Variants in APOO observed in about 807,000 individuals in gnomAD.
APOO encodes the protein apolipoprotein O.
Under a neutral mutation model 23.1 loss-of-function variants are expected in APOO, and 11 were observed. The ratio of observed to expected loss-of-function variants is 0.48; its 90% CI spans 0.30 to 0.79. The LOEUF (loss-of-function observed/expected upper bound fraction) is 0.79, where lower values mean the gene tolerates loss of function less well. APOO is among the 30% of genes least tolerant of loss of function. The pLI is 0.07. For missense variants in APOO, 160 were observed against 142.7 expected (o/e 1.12, Z -0.62); for synonymous variants, 59 against 54.8 (o/e 1.08, Z -0.34).
chrX:23,875,836 T>C (rs893914948), intron 3 of APOO, among the ~76,000 whole-genome samples: 1 of 111,388 alleles, frequency 9.0e-6, no homozygotes, highest in Non-Finnish European at 1.9e-5. Flanking sequence ...GAACTGAGTA[T>C]CGCTTCATTA....
At chrX:23,862,029 C>G (rs182031483) in intron 5 of APOO, among the ~76,000 whole-genome samples, 7,987 of 109,746 alleles carry the variant, frequency 0.073, 649 homozygotes, top group African/African-American at 0.23. Flanking sequence ...GTCTTGAACT[C>G]CTGACCTCAG....
At chrX:23,851,254 C>T (rs1307202134) in intron 7 of APOO, among the ~76,000 whole-genome samples, 2 of 109,284 alleles carry the variant, frequency 1.8e-5, no homozygotes, top group South Asian at 3.9e-4. Flanking sequence ...AGTGCAGTGG[C>T]GCGATCTTGG....
chrX:23,889,907 C>T (rs998581561), intron 1 of APOO, among the ~76,000 whole-genome samples: 2 of 110,078 alleles, frequency 1.8e-5, no homozygotes, highest in African/African-American at 3.3e-5. Flanking sequence ...GTGATCCGCC[C>T]ACCTCGGCCT....
At chrX:23,889,595 C>A (rs1033079102) in intron 1 of APOO, among the ~76,000 whole-genome samples, 1 of 107,751 alleles carries the variant, frequency 9.3e-6, no homozygotes, top group Admixed American at 1.0e-4. Context: ...ATGCCAGCTT[C>A]ATGATAGAAG....
At chrX:23,882,099 T>C (rs148636697) in intron 1 of APOO, among the ~76,000 whole-genome samples, 623 of 111,687 alleles carry the variant, frequency 5.6e-3, no homozygotes, top group Non-Finnish European at 8.9e-3. Context: ...CATGAACTAA[T>C]GTCAGCACTA....
chrX:23,853,212 C>T (rs1395307097), intron 7 of APOO, among the ~76,000 whole-genome samples: 3 of 110,971 alleles, frequency 2.7e-5, no homozygotes, highest in Non-Finnish European at 3.8e-5. Context: ...AAGCCGAGAT[C>T]GTGCCACTGC....
intron 1 of APOO, among the ~76,000 whole-genome samples, chrX:23,886,245 T>C (rs1471614478): frequency 9.0e-6 from 1 of 111,415 alleles, no homozygotes; most frequent in Non-Finnish European, 1.9e-5. Flanking sequence ...AAAATCTGTA[T>C]GTTTTAAAAC....
chrX:23,851,205 T>A (rs1337483495), intron 7 of APOO, among the ~76,000 whole-genome samples: 1 of 110,263 alleles, frequency 9.1e-6, no homozygotes, highest in African/African-American at 3.3e-5. Flanking sequence ...TTTCCTTTTT[T>A]TTTTTTGAGA....
chrX:23,850,979 T>C (rs1055945010), intron 7 of APOO, among the ~76,000 whole-genome samples: 1 of 111,442 alleles, frequency 9.0e-6, no homozygotes, highest in African/African-American at 3.3e-5. Context: ...CTTATATATA[T>C]ATAATATGTA....
intron 7 of APOO, among the ~76,000 whole-genome samples, chrX:23,852,321 G>A (rs924767601): frequency 2.7e-5 from 3 of 110,622 alleles, no homozygotes; most frequent in African/African-American, 6.5e-5. Context: ...ACAATTGGCC[G>A]GGCACGGTGG....
At chrX:23,906,149 A>G (rs1927344389) in intron 1 of APOO, among the ~76,000 whole-genome samples, 1 of 112,766 alleles carries the variant, frequency 8.9e-6, no homozygotes. Context: ...CAACCTAGGC[A>G]CATGGAGGGG....
intron 1 of APOO, chrX:23,883,235 T>C (rs1926222615): frequency 9.0e-6 from 1 of 110,981 alleles, no homozygotes; most frequent in African/African-American, 3.3e-5. Context: ...CCAAATATCG[T>C]ATTTCCCAAG....
chrX:23,838,567 C>G (rs796518906), intron 8 of APOO, among the ~76,000 whole-genome samples: 1 of 105,788 alleles, frequency 9.5e-6, no homozygotes, highest in African/African-American at 3.4e-5. Flanking sequence ...CAGGCAACTA[C>G]CACCATGCCT....
intron 3 of APOO, among the ~76,000 whole-genome samples, chrX:23,875,230 T>C (rs1162911081): frequency 1.0e-5 from 1 of 100,068 alleles, no homozygotes; most frequent in Admixed American, 1.1e-4. Context: ...AGCCTGGGCG[T>C]GTCTCAAAAA....
intron 8 of APOO, among the ~76,000 whole-genome samples, chrX:23,835,368 G>A (rs777746744): frequency 8.1e-5 from 9 of 111,443 alleles, no homozygotes; most frequent in Non-Finnish European, 1.3e-4. Flanking sequence ...CGGCACAATT[G>A]GAGATTTCTA....
intron 1 of APOO, among the ~76,000 whole-genome samples, chrX:23,881,276 T>C (rs1926110330): frequency 9.1e-6 from 1 of 109,546 alleles, no homozygotes; most frequent in African/African-American, 3.3e-5. Flanking sequence ...GGATTTGCCA[T>C]GTTGGCCAGG....
chrX:23,849,246 C>T (rs1000840433), intron 7 of APOO, among the ~76,000 whole-genome samples: 5 of 108,757 alleles, frequency 4.6e-5, no homozygotes, highest in Non-Finnish European at 9.5e-5. Flanking sequence ...CCAATATCAC[C>T]ATTTCTATCC....
chrX:23,878,191 T>C (rs1397768894), intron 3 of APOO, among the ~76,000 whole-genome samples: 1 of 111,946 alleles, frequency 8.9e-6, no homozygotes, highest in African/African-American at 3.2e-5. Flanking sequence ...ACTTCGCAAT[T>C]TTTATGTAAG....
intron 1 of APOO, among the ~76,000 whole-genome samples, chrX:23,892,637 G>A (rs951093545): frequency 9.3e-5 from 10 of 107,834 alleles, no homozygotes; most frequent in Non-Finnish European, 5.8e-5. Flanking sequence ...GCATGGTGGC[G>A]GGCGCCTGTA....
Sources: gnomAD v4.1 joint callset for allele counts (sites outside exome capture counted in the v4.1 genomes callset) on GRCh38, gnomAD v4.1.1 for gene constraint, MANE v1.5 for transcripts, NCBI Gene and HGNC (gene_info 2026-07-23, HGNC 2026-07-21) for gene names.